The following MDFIC2 variants were observed in gnomAD, a reference collection of about 807,000 sequenced individuals.
MDFIC2 encodes MyoD family inhibitor domain containing 2.
At chr3:70,296,238 T>C (rs2106697707) in intron 2 of MDFIC2, among the ~76,000 whole-genome samples, 1 of 152,270 alleles carries the variant, frequency 6.6e-6, no homozygotes, top group South Asian at 2.1e-4. Context: ...CCAAATAAGT[T>C]GTAGTTTGAA....
intron 2 of MDFIC2, among the ~76,000 whole-genome samples, chr3:70,278,076 TAGAC>T (rs1702044890): frequency 6.6e-6 from 1 of 152,134 alleles, no homozygotes; most frequent in Non-Finnish European, 1.5e-5. Flanking sequence ...TTCAGCAACA[TAGAC>T]AGCTCTCATC....
chr3:70,216,299 T>C (rs1282306610), intron 2 of MDFIC2, among the ~76,000 whole-genome samples: 1 of 150,354 alleles, frequency 6.7e-6, no homozygotes, highest in Non-Finnish European at 1.5e-5. Context: ...ATCTGATTAA[T>C]ACTACATATT....
intron 2 of MDFIC2, among the ~76,000 whole-genome samples, chr3:70,300,718 T>C (rs182345848): frequency 7.9e-4 from 120 of 152,232 alleles, no homozygotes; most frequent in Admixed American, 1.0e-3. Context: ...TACATTCTTC[T>C]GTCATAGAAC....
At chr3:70,208,288 A>C (rs142447799) in intron 2 of MDFIC2, among the ~76,000 whole-genome samples, 1 of 152,138 alleles carries the variant, frequency 6.6e-6, no homozygotes, top group East Asian at 1.9e-4. Flanking sequence ...GAGTTACTGA[A>C]ATTGATAATA....
At chr3:70,290,575 T>C (rs945222252) in intron 2 of MDFIC2, among the ~76,000 whole-genome samples, 3 of 152,224 alleles carry the variant, frequency 2.0e-5, no homozygotes, top group South Asian at 2.1e-4. Context: ...CCTTGAGCTG[T>C]GGTGGGCTCC....
chr3:70,261,576 C>G (rs1441244831), intron 2 of MDFIC2, among the ~76,000 whole-genome samples: 1 of 152,122 alleles, frequency 6.6e-6, no homozygotes, highest in African/African-American at 2.4e-5. Context: ...ACCATGCTCA[C>G]CCTTTTTGGT....
At position 70,241,673 on chromosome 3, in the gene MDFIC2, A is replaced by G. The variant is rs539647955; in HGVS notation, c.89-34883T>C. Among the ~76,000 whole-genome samples the G allele has an allele frequency of 9.4e-4, 143 of 152,280 alleles. 2 individuals carry two copies. The highest frequency in any genetic ancestry group is 3.3e-3 in the African/African-American group (136 of 41,566). ...TGGTGGAAGCAAATACTTTAACCAA[A>G]TAGGGCCAGAGTGTTCAATCATGTC... On this transcript the variant is annotated intron_variant, in intron 2 of 3. Transcript: ENST00000567252.
intron 2 of MDFIC2, among the ~76,000 whole-genome samples, chr3:70,299,560 C>A (rs1473851746): frequency 6.6e-6 from 1 of 152,144 alleles, no homozygotes; most frequent in Non-Finnish European, 1.5e-5. Context: ...AATATCCAGT[C>A]CATGGCCAAG....
intron 2 of MDFIC2, among the ~76,000 whole-genome samples, chr3:70,299,212 A>G (rs1451466170): frequency 1.3e-5 from 2 of 152,174 alleles, no homozygotes; most frequent in African/African-American, 4.8e-5. Context: ...ATTATGCAGT[A>G]AATCTATGTT....
chr3:70,246,134 G>T (rs1247432802), intron 2 of MDFIC2, among the ~76,000 whole-genome samples: 3 of 151,824 alleles, frequency 2.0e-5, no homozygotes, highest in African/African-American at 7.3e-5. Flanking sequence ...AGATGCTTCT[G>T]GGATGAACCG....
chr3:70,240,724 G>A (rs930865249), intron 2 of MDFIC2, among the ~76,000 whole-genome samples: 2 of 152,092 alleles, frequency 1.3e-5, no homozygotes, highest in African/African-American at 4.8e-5. Context: ...GTGCATTTCA[G>A]AAACCCCTAG....
intron 2 of MDFIC2, among the ~76,000 whole-genome samples, chr3:70,231,779 C>A (rs1701562027): frequency 6.6e-6 from 1 of 152,066 alleles, no homozygotes; most frequent in Admixed American, 6.5e-5. Flanking sequence ...CCCCCTTGCC[C>A]CTACTAATTA....
intron 2 of MDFIC2, among the ~76,000 whole-genome samples, chr3:70,230,471 T>C (rs901292916): frequency 2.7e-5 from 4 of 147,990 alleles, no homozygotes; most frequent in African/African-American, 7.4e-5. Context: ...ATGAAATTAT[T>C]GTTACATTAG....
intron 2 of MDFIC2, among the ~76,000 whole-genome samples, chr3:70,251,089 A>G (rs1326488369): frequency 6.6e-6 from 1 of 152,194 alleles, no homozygotes; most frequent in African/African-American, 2.4e-5. Context: ...CCAAACTCGT[A>G]ATACCCAGTG....
At chr3:70,211,342 CT>C in intron 2 of MDFIC2, among the ~76,000 whole-genome samples, 1 of 11,290 alleles carries the variant, frequency 8.9e-5, no homozygotes, top group Non-Finnish European at 4.4e-4. Flanking sequence ...CCTTCCCTTC[CT>C]TTTGCCCTTC....
chr3:70,308,499 C>G (rs1232814619), intron 2 of MDFIC2, among the ~76,000 whole-genome samples: 1 of 152,110 alleles, frequency 6.6e-6, no homozygotes, highest in East Asian at 1.9e-4. Context: ...TTTGTAACAG[C>G]TCTGGCTGTG....
chr3:70,236,186 C>T (rs937779348), intron 2 of MDFIC2, among the ~76,000 whole-genome samples: 8 of 152,060 alleles, frequency 5.3e-5, no homozygotes, highest in Non-Finnish European at 1.0e-4. Flanking sequence ...CTGCTAAATC[C>T]AAACTAAAAT....
At chr3:70,243,524 G>C (rs1380921729) in intron 2 of MDFIC2, among the ~76,000 whole-genome samples, 1 of 152,074 alleles carries the variant, frequency 6.6e-6, no homozygotes, top group Non-Finnish European at 1.5e-5. Flanking sequence ...GTGTATTTCA[G>C]CCACACATCT....
chr3:70,266,823 C>A (rs1701920590), intron 2 of MDFIC2, among the ~76,000 whole-genome samples: 1 of 152,074 alleles, frequency 6.6e-6, no homozygotes, highest in Non-Finnish European at 1.5e-5. Flanking sequence ...AGATATCAGT[C>A]CAGAAGGTAC....
Sources: allele counts gnomAD v4.1 joint callset (sites outside exome capture counted in the v4.1 genomes callset), GRCh38; gene constraint gnomAD v4.1.1; transcripts MANE v1.5; gene names NCBI Gene and HGNC (gene_info 2026-07-23, HGNC 2026-07-21).